The following SH3GL2 variants were observed in gnomAD, a reference collection of about 807,000 sequenced individuals.
The protein encoded by SH3GL2 is endophilin-A1.
Under a neutral mutation model 46.0 loss-of-function variants are expected in SH3GL2, and 24 were observed. That is an observed-to-expected ratio of 0.52 (90% CI 0.38 to 0.73). The LOEUF (loss-of-function observed/expected upper bound fraction) is 0.73. Among genes scored for constraint, SH3GL2 ranks in the 30% least tolerant of loss-of-function variants. SH3GL2 has a pLI of 0.00. For synonymous variants in SH3GL2, 196 were observed against 147.1 expected (o/e 1.33, Z -2.40); for missense variants, 413 against 424.2 (o/e 0.97, Z 0.23).
At chr9:17,719,228 A>G (rs1821833861) in intron 1 of SH3GL2, among the ~76,000 whole-genome samples, 1 of 152,156 alleles carries the variant, frequency 6.6e-6, no homozygotes, top group African/African-American at 2.4e-5. Context: ...CTTAGCATTA[A>G]TTGTGCCAAT....
At chr9:17,649,900 G>A (rs954125075) in intron 1 of SH3GL2, among the ~76,000 whole-genome samples, 1 of 152,166 alleles carries the variant, frequency 6.6e-6, no homozygotes. Context: ...TGACAGGTTT[G>A]TACTGAAATG....
intron 1 of SH3GL2, among the ~76,000 whole-genome samples, chr9:17,687,997 G>A (rs1820966850): frequency 6.6e-6 from 1 of 152,098 alleles, no homozygotes; most frequent in Admixed American, 6.6e-5. Flanking sequence ...GGCAAAGATT[G>A]TGTCTCATAG....
At chr9:17,793,875 C>T (rs1325372707) in intron 8 of SH3GL2, among the ~76,000 whole-genome samples, 1 of 152,214 alleles carries the variant, frequency 6.6e-6, no homozygotes, top group Non-Finnish European at 1.5e-5. Flanking sequence ...GCCTGTATGA[C>T]AGTGAATGCC....
At chr9:17,681,252 AAC>A (rs1820759092) in intron 1 of SH3GL2, among the ~76,000 whole-genome samples, 1 of 152,176 alleles carries the variant, frequency 6.6e-6, no homozygotes, top group African/African-American at 2.4e-5. Flanking sequence ...CAACAATAAC[AAC>A]AACAAAAGAG....
At chr9:17,628,980 CTT>C (rs5896753) in intron 1 of SH3GL2, among the ~76,000 whole-genome samples, 70 of 145,754 alleles carry the variant, frequency 4.8e-4, no homozygotes, top group Middle Eastern at 3.6e-3. Context: ...ATTAAATTAC[CTT>C]TTTTTTTTTT....
intron 1 of SH3GL2, among the ~76,000 whole-genome samples, chr9:17,660,904 G>A (rs557126268): frequency 6.6e-6 from 1 of 152,288 alleles, no homozygotes; most frequent in South Asian, 2.1e-4. Context: ...GCTCACGCCT[G>A]TAATCCCAGC....
intron 1 of SH3GL2, among the ~76,000 whole-genome samples, chr9:17,639,171 A>G (rs954420686): frequency 6.6e-6 from 1 of 152,226 alleles, no homozygotes; most frequent in Non-Finnish European, 1.5e-5. Flanking sequence ...TTATTTTAAA[A>G]GACATGGAAG....
At chr9:17,751,997 C>A (rs912759568) in intron 2 of SH3GL2, among the ~76,000 whole-genome samples, 4 of 151,874 alleles carry the variant, frequency 2.6e-5, no homozygotes, top group Non-Finnish European at 4.4e-5. Context: ...AGCTTATATT[C>A]ATTAAAGGTA....
intron 1 of SH3GL2, among the ~76,000 whole-genome samples, chr9:17,603,205 A>AT (rs1350982642): frequency 6.6e-6 from 1 of 152,232 alleles, no homozygotes; most frequent in Non-Finnish European, 1.5e-5. Flanking sequence ...GTCTTATTAA[A>AT]AAGCCAGCAT....
intron 1 of SH3GL2, among the ~76,000 whole-genome samples, chr9:17,743,443 GTCTC>G (rs1371063378): frequency 4.6e-5 from 7 of 152,172 alleles, no homozygotes; most frequent in African/African-American, 1.4e-4. Flanking sequence ...TTGGTGAACT[GTCTC>G]TCTCAGCAGC....
At chr9:17,696,376 T>G (rs1402229261) in intron 1 of SH3GL2, among the ~76,000 whole-genome samples, 1 of 152,184 alleles carries the variant, frequency 6.6e-6, no homozygotes, top group South Asian at 2.1e-4. Context: ...CCTGGATGTA[T>G]TACAGCAGAC....
At chr9:17,583,737 T>A (rs1934162398) in intron 1 of SH3GL2, among the ~76,000 whole-genome samples, 1 of 152,156 alleles carries the variant, frequency 6.6e-6, no homozygotes, top group Non-Finnish European at 1.5e-5. Flanking sequence ...TCAGATTCCT[T>A]AACTGGGAAA....
chr9:17,626,378 G>T (rs1819281371), intron 1 of SH3GL2, among the ~76,000 whole-genome samples: 1 of 152,202 alleles, frequency 6.6e-6, no homozygotes, highest in Non-Finnish European at 1.5e-5. Context: ...CCACACAGCT[G>T]CCCCTTCTAG....
At chr9:17,789,586 C>G (rs764703623) in intron 6 of SH3GL2, 36 bp downstream of exon 6, 28 of 1,609,118 alleles carry the variant, frequency 1.7e-5, no homozygotes, top group Non-Finnish European at 5.1e-6. Context: ...TTAATCTTAT[C>G]ATCGAGGCAC....
intron 1 of SH3GL2, among the ~76,000 whole-genome samples, chr9:17,727,829 C>T (rs1391525153): frequency 6.6e-6 from 1 of 152,080 alleles, no homozygotes; most frequent in Non-Finnish European, 1.5e-5. Context: ...CTTTCCCTGC[C>T]CCACCCCTCT....
At chr9:17,790,812 T>G (rs1425732361) in intron 6 of SH3GL2, among the ~76,000 whole-genome samples, 1 of 152,160 alleles carries the variant, frequency 6.6e-6, no homozygotes, top group Non-Finnish European at 1.5e-5. Flanking sequence ...TTATGTGAGA[T>G]ATTGTCACAT....
At chr9:17,703,220 G>C (rs957001299) in intron 1 of SH3GL2, among the ~76,000 whole-genome samples, 10 of 151,900 alleles carry the variant, frequency 6.6e-5, no homozygotes, top group African/African-American at 2.4e-4. Context: ...TGATTTTAAG[G>C]ATTGTATGGC....
At chr9:17,708,819 TA>T (rs1373130297) in intron 1 of SH3GL2, among the ~76,000 whole-genome samples, 5 of 152,130 alleles carry the variant, frequency 3.3e-5, no homozygotes, top group African/African-American at 1.2e-4. Flanking sequence ...GATTCAGTTT[TA>T]AAGAAATTTG....
At chr9:17,641,176 A>G (rs1376957977) in intron 1 of SH3GL2, among the ~76,000 whole-genome samples, 1 of 152,104 alleles carries the variant, frequency 6.6e-6, no homozygotes, top group Non-Finnish European at 1.5e-5. Flanking sequence ...CTTGAGTTGA[A>G]TATTATAGTT....
Sources: gnomAD v4.1 joint callset for allele counts (sites outside exome capture counted in the v4.1 genomes callset) on GRCh38, gnomAD v4.1.1 for gene constraint, MANE v1.5 for transcripts, NCBI Gene and HGNC (gene_info 2026-07-23, HGNC 2026-07-21) for gene names.